The following ALG6 variants were observed in gnomAD, a reference collection of about 807,000 sequenced individuals.
ALG6 encodes the protein dolichyl pyrophosphate Man9GlcNAc2 alpha-1,3-glucosyltransferase.
In ALG6, 46 loss-of-function variants were observed where a neutral mutation model predicts 66.6. The observed-to-expected ratio is 0.69, with a 90% CI of 0.55 to 0.88. The LOEUF (loss-of-function observed/expected upper bound fraction) is 0.88. ALG6 is among the 40% of genes least tolerant of loss of function. The probability of loss-of-function intolerance (pLI) is 0.00; values close to 1 mark genes in which losing one functional copy is unlikely to be tolerated. For synonymous variants in ALG6, 185 were observed against 203.7 expected, an observed-to-expected ratio of 0.91 and a Z score of 0.78; for missense variants, 505 against 586.8, an observed-to-expected ratio of 0.86 and a Z score of 1.44.
intron 10 of ALG6, 141 bp downstream of exon 10, chr1:63,414,287 T>G: frequency 3.2e-6 from 2 of 618,224 alleles, no homozygotes; most frequent in South Asian, 3.8e-5. Flanking sequence ...AGTCTGGCTC[T>G]GTCACCCAGG....
intron 2 of ALG6, among the ~76,000 whole-genome samples, chr1:63,373,553 C>A (rs1648007635): frequency 6.6e-6 from 1 of 151,490 alleles, no homozygotes; most frequent in Non-Finnish European, 1.5e-5. Flanking sequence ...CAAGATCATC[C>A]CATTACACTT....
intron 2 of ALG6, among the ~76,000 whole-genome samples, chr1:63,395,279 C>T (rs1043895659): frequency 6.6e-6 from 1 of 152,194 alleles, no homozygotes; most frequent in African/African-American, 2.4e-5. Flanking sequence ...AGTAATCAAA[C>T]CGTAAAGCAA....
intron 7 of ALG6, among the ~76,000 whole-genome samples, chr1:63,409,998 A>T (rs1557590813): frequency 6.6e-6 from 1 of 152,138 alleles, no homozygotes; most frequent in Non-Finnish European, 1.5e-5. Flanking sequence ...TTCTACCTCT[A>T]GGGATTTTCA....
At chr1:63,400,244 CGTATATATATGTATATATAT>C (rs1644444369) in intron 3 of ALG6, among the ~76,000 whole-genome samples, 266 of 15,160 alleles carry the variant, frequency 0.018, 66 homozygotes, top group African/African-American at 0.081. Flanking sequence ...TATATATATA[CGTATATATATGTATATATAT>C]ATACGTATAT....
chr1:63,421,522 G>C (rs1249932053), intron 12 of ALG6, among the ~76,000 whole-genome samples: 1 of 151,946 alleles, frequency 6.6e-6, no homozygotes, highest in Non-Finnish European at 1.5e-5. Flanking sequence ...CCCATTACTG[G>C]GTATATACTC....
At chr1:63,423,116 C>G (rs942078005) in intron 12 of ALG6, among the ~76,000 whole-genome samples, 1 of 151,052 alleles carries the variant, frequency 6.6e-6, no homozygotes, top group African/African-American at 2.4e-5. Context: ...CTCTGCCTCC[C>G]GGGTTCAAGC....
At chr1:63,427,479 AC>A (rs1188181512) in intron 12 of ALG6, among the ~76,000 whole-genome samples, 4 of 152,190 alleles carry the variant, frequency 2.6e-5, no homozygotes, top group African/African-American at 9.7e-5. Context: ...CAATTATTCA[AC>A]AACCACCATC....
At chr1:63,429,433 C>T in intron 14 of ALG6, 2 of 273,694 alleles carry the variant, frequency 7.3e-6, no homozygotes, top group Non-Finnish European at 1.4e-5. Flanking sequence ...GATTTGCCTA[C>T]TTTGGACATT....
rs1644696297 is a variant in ALG6, at chr1:63,438,000, T to G, written c.*980T>G. ...GTTTCTCATATAAAGATATGTTTTC[T>G]TTAGCCTCTGTAATAAAGATAATCA... On this transcript the variant is annotated 3_prime_UTR_variant, in exon 15 of 15. Coordinates refer to ENST00000263440, the MANE Select transcript of ALG6 (RefSeq NM_013339.4). 6.6e-6 allele frequency: 1 copy of G among 152,196 alleles called. No individual in the cohort carries two copies. The highest frequency in any genetic ancestry group is 2.4e-5 in the African/African-American group (1 of 41,452). 9.4% of individuals were successfully genotyped at this position (152,196 alleles called of 1,614,324 possible).
Position 63,437,317 on chromosome 1 carries a change from A to C in ALG6, c.*297A>C, listed in dbSNP as rs1644689865. 3.1e-6 allele frequency: 1 copy of C among 321,212 alleles called. No individual in the cohort carries two copies. The highest frequency in any genetic ancestry group is 2.2e-5 in the African/African-American group (1 of 45,868). 19.9% of individuals were successfully genotyped at this position (321,212 alleles called of 1,614,324 possible). A position where few individuals can be genotyped will look rare whatever the true frequency, so the allele number is the denominator to read the frequency against. On this transcript the variant is annotated 3_prime_UTR_variant, in exon 15 of 15. Transcript: ENST00000263440. ...TCCTTAATCCCATTGTTTACTCAGG[A>C]AATGCACTTTTTAAATGTCTTTAAA...
In ALG6 at chr1:63,370,758, T is replaced by C. The variant is rs1647895845; in HGVS notation, c.-207-13T>C. The C allele has an allele frequency of 3.5e-6, 2 of 563,928 alleles. No homozygotes were observed. Among genetic ancestry groups the C allele is most frequent in the Non-Finnish European group, 6.3e-6 (2 of 316,030 alleles). The allele number at this position is 563,928 out of a possible 1,614,324, so 34.9% of individuals were successfully genotyped here. ...ACTCAGCTGAATCTTGATATCTTTT[T>C]TTTTCCCCTTAGGATACTTCTACAT... On this transcript the variant is annotated splice_polypyrimidine_tract_variant and intron_variant, in intron 1 of 14. Coordinates refer to ENST00000263440, the MANE Select transcript of ALG6 (RefSeq NM_013339.4).
chr1:63,393,738 T>G (rs1347847005), intron 2 of ALG6, among the ~76,000 whole-genome samples: 1 of 152,228 alleles, frequency 6.6e-6, no homozygotes, highest in Non-Finnish European at 1.5e-5. Context: ...AATTAATTGG[T>G]CTGCCATCAC....
intron 11 of ALG6, among the ~76,000 whole-genome samples, chr1:63,418,646 A>G (rs1278405980): frequency 6.6e-6 from 1 of 152,148 alleles, no homozygotes; most frequent in South Asian, 2.1e-4. Flanking sequence ...TGGAGAATGG[A>G]CTATCAGGAG....
chr1:63,386,597 G>C (rs1263036192), intron 2 of ALG6, among the ~76,000 whole-genome samples: 1 of 151,932 alleles, frequency 6.6e-6, no homozygotes, highest in African/African-American at 2.4e-5. Context: ...CAGTTTTTTG[G>C]CATATAATTG....
At chr1:63,386,168 A>C (rs1419738959) in intron 2 of ALG6, among the ~76,000 whole-genome samples, 1 of 152,102 alleles carries the variant, frequency 6.6e-6, no homozygotes, top group Non-Finnish European at 1.5e-5. Flanking sequence ...ATTTATCTGT[A>C]GGGTTATGGT....
chr1:63,412,829 TTATAGA>T (rs1644523396), intron 9 of ALG6, among the ~76,000 whole-genome samples: 1 of 152,214 alleles, frequency 6.6e-6, no homozygotes. Flanking sequence ...AACAACATAT[TTATAGA>T]TAATTTGCTA....
chr1:63,388,135 T>A (rs1648561484), intron 2 of ALG6, among the ~76,000 whole-genome samples: 1 of 151,688 alleles, frequency 6.6e-6, no homozygotes, highest in South Asian at 2.1e-4. Flanking sequence ...GCCACGCTGG[T>A]CTCAAACTTC....
At chr1:63,429,408 G>A (rs1033849315) in intron 14 of ALG6, 17 of 308,850 alleles carry the variant, frequency 5.5e-5, no homozygotes, top group Non-Finnish European at 8.5e-5. Flanking sequence ...TGGACAGCCA[G>A]TTTCTGCCTC....
intron 12 of ALG6, among the ~76,000 whole-genome samples, chr1:63,422,157 A>C (rs1557594790): frequency 9.3e-5 from 1 of 10,778 alleles, no homozygotes; most frequent in East Asian, 9.6e-3. Flanking sequence ...AAATATAAAT[A>C]TATATATAAC....
Sources: allele counts gnomAD v4.1 joint callset (sites outside exome capture counted in the v4.1 genomes callset), GRCh38; gene constraint gnomAD v4.1.1; transcripts MANE v1.5; gene names NCBI Gene and HGNC (gene_info 2026-07-23, HGNC 2026-07-21).